Variants in ADAMTS2 observed in about 807,000 individuals in gnomAD.
ADAMTS2 encodes the protein A disintegrin and metalloproteinase with thrombospondin motifs 2.
Under a neutral mutation model 123.0 loss-of-function variants are expected in ADAMTS2, and 50 were observed. The ratio of observed to expected loss-of-function variants is 0.41; its 90% confidence interval spans 0.32 to 0.51. The LOEUF (loss-of-function observed/expected upper bound fraction) is 0.51, where lower values mean the gene tolerates loss of function less well. Ranked by LOEUF, ADAMTS2 falls within the 20% of genes least tolerant of loss-of-function variation. ADAMTS2 has a pLI of 0.35. For missense variants in ADAMTS2, 1,494 were observed against 1,705.2 expected (o/e 0.88, Z 2.18); for synonymous variants, 678 against 695.4 (o/e 0.98, Z 0.39).
intron 2 of ADAMTS2, 115 bp from the exon 3 acceptor site, chr5:179,273,179 C>T: frequency 6.7e-7 from 1 of 1,481,864 alleles, no homozygotes; most frequent in Non-Finnish European, 9.3e-7. Context: ...GCCCAGCACC[C>T]CAGCTGGTGC....
In ADAMTS2 at chr5:179,114,234, C is replaced by T. The variant is rs759444266; in HGVS notation, c.3269G>A (p.Cys1090Tyr). The change falls in exon 22 of 22, where the codon TGC (cysteine) becomes TAC (tyrosine). Residue 1090 changes from cysteine to tyrosine, a missense_variant. Cys to Tyr is a radical substitution (Grantham distance 194). Transcript: ENST00000251582. ...GTTGTTGTACAGGTTACAGGACTTG[C>T]AGCACAGCTTGTTGTAGCCTGGGAT... ...CSIPGYNKLCCKSCNLYNNLT... is the reference protein window; with the variant it reads ...CSIPGYNKLCYKSCNLYNNLT... 2 of 1,613,868 alleles carry T rather than the reference C, an allele frequency of 1.2e-6. No homozygotes were observed. The highest frequency in any genetic ancestry group is 3.3e-5 in the Admixed American group (2 of 60,014).
chr5:179,339,688 T>C (rs1007160852), intron 2 of ADAMTS2, among the ~76,000 whole-genome samples: 3 of 152,162 alleles, frequency 2.0e-5, no homozygotes, highest in Non-Finnish European at 4.4e-5. Context: ...CCCTCTTTAG[T>C]CTTCCTGACA....
chr5:179,168,363 G>A (rs897065029), intron 5 of ADAMTS2, among the ~76,000 whole-genome samples: 3 of 152,188 alleles, frequency 2.0e-5, no homozygotes, highest in Admixed American at 6.5e-5. Flanking sequence ...CTGACCAGCC[G>A]GGATCACAGA....
At position 179,132,734 on chromosome 5, in the gene ADAMTS2, G is replaced by A; in HGVS notation, c.2209+43C>T. On this transcript the variant is annotated intron_variant, in intron 14 of 21. Coordinates refer to ENST00000251582, the MANE Select transcript of ADAMTS2 (RefSeq NM_014244.5). The surrounding 1 kb of genome is among the most constrained non-coding windows in gnomAD (Gnocchi z 6.1). ...TCAGCTGTCCGGGCATGAGCCTGCT[G>A]CAGGCATCCAGGCTCCAGGGTGGAG... The A allele has an allele frequency of 6.2e-7, 1 of 1,613,480 alleles. No individual in the cohort carries two copies. The highest frequency in any genetic ancestry group is 1.3e-5 in the African/African-American group (1 of 75,028).
intron 6 of ADAMTS2, among the ~76,000 whole-genome samples, chr5:179,156,150 A>G (rs941559206): frequency 6.6e-6 from 1 of 151,948 alleles, no homozygotes; most frequent in Non-Finnish European, 1.5e-5. Flanking sequence ...GCATTACAGG[A>G]GCCTGCGAGA....
At position 179,121,913 on chromosome 5, in the gene ADAMTS2, T is replaced by C. The variant is rs899150402; in HGVS notation, c.3089-163A>G. 9.8e-5 allele frequency: 46 copies of C among 471,648 alleles called. 1 individual carries two copies. Among genetic ancestry groups the C allele is most frequent in the African/African-American group, 7.9e-4 (39 of 49,620 alleles). 29.2% of individuals were successfully genotyped at this position (471,648 alleles called of 1,614,324 possible). A position where few individuals can be genotyped will look rare whatever the true frequency, so the allele number is the denominator to read the frequency against. On this transcript the variant is annotated intron_variant, in intron 20 of 21. Transcript: ENST00000251582. ...CTCCGCTGCCAAGTCCACGCCCACC[T>C]CCTGCCCCTCCTGACAGCAGCCGGG...
chr5:179,199,758 C>T (rs1173295822), intron 4 of ADAMTS2, among the ~76,000 whole-genome samples: 12 of 152,310 alleles, frequency 7.9e-5, no homozygotes, highest in East Asian at 3.9e-4. Flanking sequence ...AACTTCTGGT[C>T]AGCCTGAGGC....
chr5:179,274,990 C>G (rs932234831), intron 2 of ADAMTS2, among the ~76,000 whole-genome samples: 2 of 152,202 alleles, frequency 1.3e-5, no homozygotes, highest in African/African-American at 4.8e-5. Flanking sequence ...GGAAACCGCA[C>G]ATGCCATGGC....
rs900156205 is a variant in ADAMTS2, at chr5:179,317,564, G to A, written c.534+26203C>T. ...TGTGGGGACTCCTGCACCTCTTCCTGCTGCCCAGACCATGGGTGGCCAGCA... is the reference window on the plus strand; with the variant it reads ...TGTGGGGACTCCTGCACCTCTTCCTACTGCCCAGACCATGGGTGGCCAGCA... On this transcript the variant is annotated intron_variant, in intron 2 of 21. Transcript: ENST00000251582. This position sits in a 1 kb window ranked among gnomAD's most constrained non-coding sequence, Gnocchi z 4.9. Among the ~76,000 whole-genome samples, 1 of 152,150 alleles carries A rather than the reference G, an allele frequency of 6.6e-6. No homozygotes were observed. The highest frequency in any genetic ancestry group is 1.5e-5 in the Non-Finnish European group (1 of 68,032).
rs1762642120 is a variant in ADAMTS2, at chr5:179,115,485, A to G, written c.3179-1161T>C. On this transcript the variant is annotated intron_variant, in intron 21 of 21. Coordinates refer to ENST00000251582, the MANE Select transcript of ADAMTS2 (RefSeq NM_014244.5). The surrounding 1 kb of genome is among the most constrained non-coding windows in gnomAD (Gnocchi z 4.4). ...ACACCGCCTGTTGTGGTCTCTGCTC[A>G]GCTGCTCTCTACTCTCCACAGTGAT... 6.6e-6 allele frequency among the ~76,000 whole-genome samples: 1 copy of G among 152,174 alleles called. No homozygotes were observed. The highest frequency in any genetic ancestry group is 2.4e-5 in the African/African-American group (1 of 41,446).
Position 179,158,725 on chromosome 5 carries a change from T to C in ADAMTS2, c.1130A>G (p.Gln377Arg). The C allele has an allele frequency of 1.2e-6, 2 of 1,614,146 alleles. No homozygotes were observed. Among genetic ancestry groups the C allele is most frequent in the Non-Finnish European group, 1.7e-6 (2 of 1,180,036 alleles). ...TRQDFGPSGM[Q>R]GYAPVTGMCH... ...GGCCCTGCATGGGTGAGGCTCACCT[T>C]GCATGCCGGAAGGCCCAAAGTCCTG... The change falls in exon 6 of 22, where the codon CAA (glutamine) becomes CGA (arginine). Residue 377 changes from glutamine (Q) to arginine (R), a missense_variant and splice_region_variant. Gln to Arg is a conservative substitution (Grantham distance 43, BLOSUM62 1). This residue lies in a region of ADAMTS2 where 47 missense variants were observed against 92.7 expected (regional missense o/e 0.51). Coordinates refer to ENST00000251582, the MANE Select transcript of ADAMTS2 (RefSeq NM_014244.5). This position sits in a 1 kb window ranked among gnomAD's most constrained non-coding sequence, Gnocchi z 5.0.
intron 2 of ADAMTS2, among the ~76,000 whole-genome samples, chr5:179,286,850 C>G (rs932613422): frequency 6.6e-6 from 1 of 152,162 alleles, no homozygotes; most frequent in African/African-American, 2.4e-5. Flanking sequence ...TCGACAGCAT[C>G]TTTCCCCTGT....
intron 3 of ADAMTS2, among the ~76,000 whole-genome samples, chr5:179,233,463 G>A (rs1380782520): frequency 2.0e-5 from 3 of 152,126 alleles, no homozygotes; most frequent in Non-Finnish European, 4.4e-5. Flanking sequence ...GGGGGAGGGT[G>A]GATCACGAGG....
At chr5:179,339,341 C>CG (rs1257366156) in intron 2 of ADAMTS2, among the ~76,000 whole-genome samples, 1 of 152,058 alleles carries the variant, frequency 6.6e-6, no homozygotes, top group Non-Finnish European at 1.5e-5. Flanking sequence ...GCTGGTGGGC[C>CG]GGGGGTTGAG....
chr5:179,158,942 G>C lies in ADAMTS2; in HGVS notation c.976-63C>G, dbSNP rs550793541. The C allele has an allele frequency of 3.2e-5, 51 of 1,581,740 alleles. No homozygotes were observed. The African/African-American group carries it at 6.3e-4, about 20-fold the overall frequency. On this transcript the variant is annotated intron_variant, in intron 5 of 21. Coordinates refer to ENST00000251582, the MANE Select transcript of ADAMTS2 (RefSeq NM_014244.5). The surrounding 1 kb of genome is among the most constrained non-coding windows in gnomAD (Gnocchi z 5.0). Reference sequence around the variant, plus strand: ...GCGCCTGGTGGCCCAGTGGGGGGCCGAGCAGGCTGTAGTGTTGACAGACCC... The same window carrying C: ...GCGCCTGGTGGCCCAGTGGGGGGCCCAGCAGGCTGTAGTGTTGACAGACCC...
intron 3 of ADAMTS2, among the ~76,000 whole-genome samples, chr5:179,226,100 T>C (rs1207777053): frequency 2.0e-5 from 3 of 152,054 alleles, no homozygotes; most frequent in Non-Finnish European, 4.4e-5. Context: ...CACACCCCCA[T>C]AGCACGCCCT....
In ADAMTS2 at chr5:179,112,607, G is replaced by C. The variant is rs543883574; in HGVS notation, c.*1260C>G. The C allele has an allele frequency of 6.6e-6, 1 of 152,410 alleles. No individual in the cohort carries two copies. The highest frequency in any genetic ancestry group is 2.1e-4 in the South Asian group (1 of 4,830). 9.4% of individuals were successfully genotyped at this position (152,410 alleles called of 1,614,324 possible). A position where few individuals can be genotyped will look rare whatever the true frequency, so the allele number is the denominator to read the frequency against. On this transcript the variant is annotated 3_prime_UTR_variant, in exon 22 of 22. Transcript: ENST00000251582. ...GTCACTGCTGGGTTCTGGAGCTTCT[G>C]AGAGACAGAGGCGAGGTGGGGCAGG...
At chr5:179,171,338 T>C (rs1763810124) in intron 5 of ADAMTS2, among the ~76,000 whole-genome samples, 1 of 152,148 alleles carries the variant, frequency 6.6e-6, no homozygotes, top group African/African-American at 2.4e-5. Context: ...ATTCGCTAAG[T>C]CAGCCAGGGC....
chr5:179,329,085 T>C (rs373580669), intron 2 of ADAMTS2, among the ~76,000 whole-genome samples: 10 of 152,154 alleles, frequency 6.6e-5, no homozygotes, highest in Non-Finnish European at 1.0e-4. Flanking sequence ...CCCAGCACTT[T>C]GGGAGGCCAA....
Sources: allele counts gnomAD v4.1 joint callset (sites outside exome capture counted in the v4.1 genomes callset), GRCh38; gene constraint gnomAD v4.1.1; regional missense constraint gnomAD v4.1.1; non-coding constraint Gnocchi (gnomAD v3.1); transcripts MANE v1.5; gene names NCBI Gene and HGNC (gene_info 2026-07-23, HGNC 2026-07-21).